BNIP2: variants seen among roughly 807,000 people sequenced by gnomAD.
BNIP2 encodes the protein BCL2/adenovirus E1B 19 kDa protein-interacting protein 2.
In BNIP2, 36 loss-of-function variants were observed where a neutral mutation model predicts 43.4. That is an observed-to-expected ratio of 0.83 (90% CI 0.64 to 1.10). The LOEUF (loss-of-function observed/expected upper bound fraction) is 1.10. Among genes scored for constraint, BNIP2 ranks in the 50% least tolerant of loss-of-function variants. The probability of loss-of-function intolerance (pLI) is 0.00; values close to 1 mark genes in which losing one functional copy is unlikely to be tolerated. For missense variants in BNIP2, 417 were observed against 374.1 expected (o/e 1.11, Z -0.95); for synonymous variants, 146 against 121.0 (o/e 1.21, Z -1.35).
chr15:59,680,208 T>A, intron 3 of BNIP2, 33 bp downstream of exon 3: 1 of 1,436,252 alleles, frequency 7.0e-7, no homozygotes, highest in Non-Finnish European at 9.4e-7. Context: ...ACAAAGTCCA[T>A]AATTTCAATG....
At chr15:59,666,912 T>C (rs1246752779) in intron 9 of BNIP2, among the ~76,000 whole-genome samples, 1 of 152,130 alleles carries the variant, frequency 6.6e-6, no homozygotes, top group African/African-American at 2.4e-5. Context: ...TTTTCTGATG[T>C]CTAAATTACT....
chr15:59,682,344 C>T, intron 2 of BNIP2, 64 bp downstream of exon 2: 2 of 1,434,552 alleles, frequency 1.4e-6, no homozygotes, highest in African/African-American at 1.4e-5. Context: ...AAAAAAGTAA[C>T]ATCTCGATAA....
intron 1 of BNIP2, among the ~76,000 whole-genome samples, chr15:59,684,046 A>T (rs6151470): frequency 0.33 from 50,193 of 152,106 alleles, 8,626 homozygotes; most frequent in East Asian, 0.54. Context: ...CAAAGTTACA[A>T]AGAAAAAAGC....
At position 59,671,203 on chromosome 15, in the gene BNIP2, ACATTTCCTGAGC is replaced by A; in HGVS notation, c.675_686del (p.Trp225_Lys228del). 1 of 1,599,310 alleles carries A rather than the reference ACATTTCCTGAGC, an allele frequency of 6.3e-7. No individual in the cohort carries two copies. The highest frequency in any genetic ancestry group is 8.5e-7 in the Non-Finnish European group (1 of 1,171,846). On this transcript the variant is annotated inframe_deletion, in exon 7 of 10. Coordinates refer to ENST00000607373, the MANE Select transcript of BNIP2 (RefSeq NM_004330.4). Reference sequence around the variant, plus strand: ...ATTACCTTCTATCAATTTGCTGATAACATTTCCTGAGCCATCCCAGACTGGGCATTTTTCTTC... The same window carrying A: ...ATTACCTTCTATCAATTTGCTGATAACATCCCAGACTGGGCATTTTTCTTC...
intron 2 of BNIP2, 114 bp from the exon 3 acceptor site, chr15:59,680,422 G>T (rs1893595398): frequency 3.7e-6 from 3 of 804,592 alleles, no homozygotes; most frequent in African/African-American, 3.5e-5. Context: ...ATGGAATAAA[G>T]CAGTGTTGTT....
At chr15:59,686,854 C>A (rs1176539762) in intron 1 of BNIP2, among the ~76,000 whole-genome samples, 2 of 151,922 alleles carry the variant, frequency 1.3e-5, no homozygotes, top group Non-Finnish European at 2.9e-5. Flanking sequence ...CCATCTCTAC[C>A]AAAAATACAA....
chr15:59,683,451 T>C (rs6151477), intron 1 of BNIP2, among the ~76,000 whole-genome samples: 50,234 of 152,156 alleles, frequency 0.33, 8,644 homozygotes, highest in East Asian at 0.54. Flanking sequence ...TCTGTTCTTT[T>C]CTTTTCTTTT....
chr15:59,668,027 C>T, intron 9 of BNIP2: 1 of 1,028,350 alleles, frequency 9.7e-7, no homozygotes, highest in South Asian at 1.5e-5. Context: ...TACAAGCTAA[C>T]CAACCAATAA....
At chr15:59,677,205 T>C (rs1893359497) in intron 5 of BNIP2, 1 of 1,595,396 alleles carries the variant, frequency 6.3e-7, no homozygotes, top group African/African-American at 1.3e-5. Context: ...ACATGGGATA[T>C]CCCAAGTAGT....
At chr15:59,667,829 T>C (rs866979948) in intron 9 of BNIP2, among the ~76,000 whole-genome samples, 2 of 152,264 alleles carry the variant, frequency 1.3e-5, no homozygotes, top group Admixed American at 6.5e-5. Flanking sequence ...GTAATTTCTC[T>C]GGTTTCACCA....
intron 5 of BNIP2, 134 bp downstream of exon 5, chr15:59,677,777 A>G: frequency 1.6e-6 from 2 of 1,238,118 alleles, no homozygotes; most frequent in South Asian, 4.4e-5. Flanking sequence ...ATGTCCTACA[A>G]AAGACGAGTC....
In BNIP2 at chr15:59,689,297, G is replaced by T. The variant is rs751559480; in HGVS notation, c.-220C>A. On this transcript the variant is annotated 5_prime_UTR_variant, in exon 1 of 10. Transcript: ENST00000607373. ...CCGGCCGCAGCGGTACGGCGTCGGC[G>T]GCAGCAGCTGACCCGGACACAGTGA... is the stretch of plus-strand genomic sequence containing the variant. 50 of 1,546,436 alleles carry T rather than the reference G, an allele frequency of 3.2e-5. No individual in the cohort carries two copies. In the East Asian group the frequency reaches 1.1e-3, roughly 33 times the overall value.
chr15:59,668,698 AG>A (rs1227830169), intron 9 of BNIP2, 193 bp downstream of exon 9: 35 of 505,154 alleles, frequency 6.9e-5, no homozygotes, highest in Non-Finnish European at 1.1e-5. Context: ...GACAGCCTGA[AG>A]AAAATGCTAA....
chr15:59,667,852 C>T (rs1292842527), intron 9 of BNIP2, among the ~76,000 whole-genome samples: 1 of 152,168 alleles, frequency 6.6e-6, no homozygotes, highest in Admixed American at 6.5e-5. Context: ...AGTACTTAGA[C>T]TAAGAAGGAG....
At position 59,662,944 on chromosome 15, in the gene BNIP2, C is replaced by G. The variant is rs1268891828; in HGVS notation, c.*1125G>C. 2 of 152,284 alleles carry G rather than the reference C, an allele frequency of 1.3e-5. No individual in the cohort carries two copies. The highest frequency in any genetic ancestry group is 2.4e-5 in the African/African-American group (1 of 41,404). 9.4% of individuals were successfully genotyped at this position (152,284 alleles called of 1,614,324 possible). ...TAAATGCTTGTAACAAACGTGTTAT[C>G]CAAAACAGCACAATATGATGATGCT... On this transcript the variant is annotated 3_prime_UTR_variant, in exon 10 of 10. Coordinates refer to ENST00000607373, the MANE Select transcript of BNIP2 (RefSeq NM_004330.4).
intron 1 of BNIP2, among the ~76,000 whole-genome samples, chr15:59,687,817 C>T (rs1248226007): frequency 6.6e-6 from 1 of 152,146 alleles, no homozygotes; most frequent in Non-Finnish European, 1.5e-5. Context: ...ATCTCATGTT[C>T]CAACCAGCAA....
intron 9 of BNIP2, among the ~76,000 whole-genome samples, chr15:59,666,523 C>T (rs1892577944): frequency 6.6e-6 from 1 of 151,998 alleles, no homozygotes; most frequent in South Asian, 2.1e-4. Flanking sequence ...AAAAATTAGC[C>T]AGGCATGGTG....
chr15:59,676,803 C>T (rs572878211), intron 5 of BNIP2: 60 of 1,524,294 alleles, frequency 3.9e-5, no homozygotes, highest in South Asian at 2.7e-4. Flanking sequence ...GGCCGCCTGG[C>T]CCTGCAGCGC....
chr15:59,680,982 C>T (rs1893631916), intron 2 of BNIP2, among the ~76,000 whole-genome samples: 1 of 152,162 alleles, frequency 6.6e-6, no homozygotes. Context: ...GATATAAATT[C>T]CTTATGCAAC....
Sources: gnomAD v4.1 joint callset for allele counts (sites outside exome capture counted in the v4.1 genomes callset) on GRCh38, gnomAD v4.1.1 for gene constraint, MANE v1.5 for transcripts, NCBI Gene and HGNC (gene_info 2026-07-23, HGNC 2026-07-21) for gene names.